Variants in GLUD2 observed in about 807,000 individuals in gnomAD.
GLUD2 encodes glutamate dehydrogenase 2.
GLUD2 carries 11 observed loss-of-function variants against 16.2 expected under a neutral mutation model. The ratio of observed to expected loss-of-function variants is 0.68; its 90% CI spans 0.43 to 1.13. The LOEUF is 1.13. Among genes scored for constraint, GLUD2 ranks in the 50% most tolerant of loss-of-function variants. The probability of loss-of-function intolerance (pLI) is 0.00; values close to 1 mark genes in which losing one functional copy is unlikely to be tolerated. For synonymous variants in GLUD2, 147 were observed against 181.9 expected (o/e 0.81, Z 1.55); for missense variants, 360 against 456.4 (o/e 0.79, Z 1.93).
In GLUD2 at chrX:121,048,889, C is replaced by T; in HGVS notation, c.1205C>T (p.Ala402Val). The T allele has an allele frequency of 8.3e-7, 1 of 1,211,646 alleles. No homozygotes were observed. The highest frequency in any genetic ancestry group is 3.0e-5 in the East Asian group (1 of 33,845). ...CCCAGAGTCAAAGCCAAGATCATTG[C>T]TGAAGGTGCCAATGGGCCAACAACT... ...NAPRVKAKII[A>V]EGANGPTTPE... The change falls in exon 1 of 1, where the codon GCT becomes GTT. Residue 402 changes from alanine (A) to valine (V), a missense_variant. Physicochemically the swap from Ala to Val is moderately conservative, Grantham distance 64. Coordinates refer to ENST00000328078, the MANE Select transcript of GLUD2 (RefSeq NM_012084.4).
chrX:121,048,197 G>C lies in GLUD2; in HGVS notation c.513G>C (p.Lys171Asn). ...CTTTGGCTTCTCTGATGACATACAA[G>C]TGTGCAGTGGTTGATGTGCCGTTTG... ...VKALASLMTY[K>N]CAVVDVPFGG... The change falls in exon 1 of 1, where the codon AAG (lysine) becomes AAC (asparagine). Residue 171 changes from lysine to asparagine, a missense_variant. Lys to Asn is a moderately conservative substitution (Grantham distance 94, BLOSUM62 0). This residue lies in a region of GLUD2 where 279 missense variants were observed against 352.9 expected (regional missense o/e 0.79). Coordinates refer to ENST00000328078, the MANE Select transcript of GLUD2 (RefSeq NM_012084.4). The C allele has an allele frequency of 8.3e-7, 1 of 1,211,971 alleles. No individual in the cohort carries two copies. The highest frequency in any genetic ancestry group is 1.1e-6 in the Non-Finnish European group (1 of 895,578).
At position 121,048,405 on chromosome X, in the gene GLUD2, G is replaced by T. The variant is rs1318056661; in HGVS notation, c.721G>T (p.Ala241Ser). 3.3e-6 allele frequency: 4 copies of T among 1,209,461 alleles called. No homozygotes were observed. In the Admixed American group the frequency reaches 8.7e-5, roughly 26 times the overall value. Residue 241 changes from alanine to serine, a missense_variant, in exon 1 of 1, where the codon GCC becomes TCC. Ala to Ser is a moderately conservative substitution (Grantham distance 99). Transcript: ENST00000328078. ...GATGTCCTGGATTGCTGATACCTAT[G>T]CCAGCACCATAGGGCACTATGATAT... is the stretch of plus-strand genomic sequence containing the variant. ...REMSWIADTY[A>S]STIGHYDINA... is the part of the protein sequence containing the mutation.
At position 121,047,745 on chromosome X, in the gene GLUD2, T is replaced by A; in HGVS notation, c.61T>A (p.Ser21Thr). The change falls in exon 1 of 1, where the codon TCC (serine) becomes ACC (threonine). Residue 21 changes from serine to threonine, a missense_variant. Transcript: ENST00000328078. Reference protein sequence around the residue: ...PSRAGPAALGSAANHSAALLG... With the variant: ...PSRAGPAALGTAANHSAALLG... ...CCGGGCCGGGCCCGCTGCCCTGGGC[T>A]CCGCGGCCAACCACTCGGCCGCGTT... The A allele has an allele frequency of 8.8e-7, 1 of 1,132,670 alleles. No individual in the cohort carries two copies. Among genetic ancestry groups the A allele is most frequent in the Non-Finnish European group, 1.2e-6 (1 of 860,749 alleles). The allele number at this position is 1,132,670 out of a possible 1,213,427, so 93.3% of individuals were successfully genotyped here. A position where few individuals can be genotyped will look rare whatever the true frequency, so the allele number is the denominator to read the frequency against.
Position 121,049,506 on chromosome X carries a change from C to T in GLUD2, c.*145C>T. The T allele has an allele frequency of 3.4e-6, 2 of 586,884 alleles. No individual in the cohort carries two copies. Among genetic ancestry groups the T allele is most frequent in the Non-Finnish European group, 3.0e-6 (1 of 334,111 alleles). The allele number at this position is 586,884 out of a possible 1,213,427, so 48.4% of individuals were successfully genotyped here. A position where few individuals can be genotyped will look rare whatever the true frequency, so the allele number is the denominator to read the frequency against. ...TTCTCAACAAGTCAATCCAAATCAG[C>T]CCGTTAAGGAGAAAGAAATTAATAT... On this transcript the variant is annotated 3_prime_UTR_variant, in exon 1 of 1. Transcript: ENST00000328078.
rs151307722 is a variant in GLUD2 at position 121,048,090 on chromosome X, C to A, written c.406C>A (p.Arg136=). ...CTCCTGGGAGGTCATCGAAGGCTACCGGGCCCAGCACAGCCAGCACCGCAC... is the reference window on the plus strand; with the variant it reads ...CTCCTGGGAGGTCATCGAAGGCTACAGGGCCCAGCACAGCCAGCACCGCAC... The part of the protein sequence containing the change: ...DGSWEVIEGY[R]AQHSQHRTPC... Residue 136 remains arginine (R), a synonymous_variant, in exon 1 of 1, where the codon CGG becomes AGG. Coordinates refer to ENST00000328078, the MANE Select transcript of GLUD2 (RefSeq NM_012084.4). The A allele has an allele frequency of 1.7e-6, 2 of 1,211,696 alleles. No homozygotes were observed. The highest frequency in any genetic ancestry group is 1.1e-6 in the Non-Finnish European group (1 of 895,496).
chrX:121,049,194 G>A lies in GLUD2; in HGVS notation c.1510G>A (p.Asp504Asn). 2 of 1,211,949 alleles carry A rather than the reference G, an allele frequency of 1.7e-6. No homozygotes were observed. The highest frequency in any genetic ancestry group is 2.2e-6 in the Non-Finnish European group (2 of 895,497). The stretch of plus-strand genomic sequence containing the variant: ...CAGTATATCGGGTGCATCTGAGAAA[G>A]ACATTGTGCACTCTGCCTTGGCATA... ...QDSISGASEK[D>N]IVHSALAYTM... Residue 504 changes from aspartate to asparagine, a missense_variant, in exon 1 of 1, where the codon GAC (aspartate) becomes AAC (asparagine). By Grantham distance (23) the Asp-to-Asn change is conservative. Coordinates refer to ENST00000328078, the MANE Select transcript of GLUD2 (RefSeq NM_012084.4).
At position 121,048,445 on chromosome X, in the gene GLUD2, G is replaced by C. The variant is rs1176412877; in HGVS notation, c.761G>C (p.Cys254Ser). The C allele has an allele frequency of 8.3e-7, 1 of 1,209,645 alleles. No individual in the cohort carries two copies. The highest frequency in any genetic ancestry group is 1.1e-6 in the Non-Finnish European group (1 of 895,207). ...CACTATGATATTAATGCACACGCCTGTGTTACTGGTAAACCCATCAGCCAA... is the reference window on the plus strand; with the variant it reads ...CACTATGATATTAATGCACACGCCTCTGTTACTGGTAAACCCATCAGCCAA... Reference protein sequence around the residue: ...IGHYDINAHACVTGKPISQGG... With the variant: ...IGHYDINAHASVTGKPISQGG... The change falls in exon 1 of 1, where the codon TGT (cysteine) becomes TCT (serine). Residue 254 changes from cysteine (C) to serine (S), a missense_variant. Cys to Ser is a moderately radical substitution (Grantham distance 112). Around this residue, in one of 3 missense-constraint regions of GLUD2, gnomAD observed 279 missense variants for 352.9 expected, o/e 0.79. Transcript: ENST00000328078.
chrX:121,047,834 G>A lies in GLUD2; in HGVS notation c.150G>A (p.Arg50=). 9.1e-6 allele frequency: 11 copies of A among 1,209,535 alleles called. No individual in the cohort carries two copies. Among genetic ancestry groups the A allele is most frequent in the Non-Finnish European group, 1.2e-5 (11 of 895,315 alleles). ...AGCCGGGGCTCGCATTGGCCGCCCG[G>A]CGCCACTACAGCGAGTTGGTGGCCG... ...ASQPGLALAA[R]RHYSELVADR... Residue 50 remains arginine, a synonymous_variant, in exon 1 of 1, where the codon CGG becomes CGA. Transcript: ENST00000328078.
At position 121,047,631 on chromosome X, in the gene GLUD2, T is replaced by G; in HGVS notation, c.-54T>G. ...CCTTCCTTCCTAGTCGCGGGGAGTCTGAGAAAGCGCACCTGTTCCGCGACC... is the reference window on the plus strand; with the variant it reads ...CCTTCCTTCCTAGTCGCGGGGAGTCGGAGAAAGCGCACCTGTTCCGCGACC... On this transcript the variant is annotated 5_prime_UTR_variant, in exon 1 of 1. Transcript: ENST00000328078. 5.9e-6 allele frequency: 5 copies of G among 849,428 alleles called. No homozygotes were observed. Among genetic ancestry groups the G allele is most frequent in the Non-Finnish European group, 4.6e-6 (3 of 651,442 alleles). The allele number at this position is 849,428 out of a possible 1,213,427, so 70.0% of individuals were successfully genotyped here.
Position 121,049,746 on chromosome X carries a change from A to C in GLUD2, c.*385A>C. 4.8e-6 allele frequency: 1 copy of C among 207,418 alleles called. No individual in the cohort carries two copies. The highest frequency in any genetic ancestry group is 1.3e-4 in the South Asian group (1 of 7,986). The allele number at this position is 207,418 out of a possible 1,213,427, so 17.1% of individuals were successfully genotyped here. The stretch of plus-strand genomic sequence containing the variant: ...GTCTGGGACACGCTGTAACTTTAAC[A>C]CATTTAAGAAGAAGGTGTGTGGCCT... On this transcript the variant is annotated 3_prime_UTR_variant, in exon 1 of 1. Coordinates refer to ENST00000328078, the MANE Select transcript of GLUD2 (RefSeq NM_012084.4).
Position 121,047,665 on chromosome X carries a change from C to CCCCTCCTCCAAA in GLUD2, c.-11_-10insAAACCCTCCTCC, listed in dbSNP as rs1280085135. 1 of 1,024,461 alleles carries CCCCTCCTCCAAA rather than the reference C, an allele frequency of 9.8e-7. No homozygotes were observed. The highest frequency in any genetic ancestry group is 1.3e-6 in the Non-Finnish European group (1 of 789,744). The allele number at this position is 1,024,461 out of a possible 1,213,427, so 84.4% of individuals were successfully genotyped here. Reference sequence around the variant, plus strand: ...GCACCTGTTCCGCGACCGTCACGCACCCCTCCTCCGCCTGCCGCGATGTAC... The same window carrying CCCCTCCTCCAAA: ...GCACCTGTTCCGCGACCGTCACGCACCCCTCCTCCAAACCCTCCTCCGCCTGCCGCGATGTAC... On this transcript the variant is annotated 5_prime_UTR_variant, in exon 1 of 1. Transcript: ENST00000328078.
rs1268022559 is a variant in GLUD2 at position 121,048,947 on chromosome X, C to T, written c.1263C>T (p.Asn421=). The T allele has an allele frequency of 8.3e-7, 1 of 1,210,138 alleles. No homozygotes were observed. Among genetic ancestry groups the T allele is most frequent in the African/African-American group, 1.7e-5 (1 of 57,204 alleles). Residue 421 remains asparagine, a synonymous_variant, in exon 1 of 1, where the codon AAC becomes AAT. Transcript: ENST00000328078. ...CTGATAAGATCTTCCTGGAGAGAAA[C>T]ATTTTGGTTATTCCAGATCTCTACT... The part of the protein sequence containing the change: ...PEADKIFLER[N]ILVIPDLYLN...
chrX:121,047,656 C>T lies in GLUD2; in HGVS notation c.-29C>T. 1 of 976,677 alleles carries T rather than the reference C, an allele frequency of 1.0e-6. No homozygotes were observed. Among genetic ancestry groups the T allele is most frequent in the Non-Finnish European group, 1.3e-6 (1 of 751,812 alleles). The allele number at this position is 976,677 out of a possible 1,213,427, so 80.5% of individuals were successfully genotyped here. A position where few individuals can be genotyped will look rare whatever the true frequency, so the allele number is the denominator to read the frequency against. ...TGAGAAAGCGCACCTGTTCCGCGAC[C>T]GTCACGCACCCCTCCTCCGCCTGCC... On this transcript the variant is annotated 5_prime_UTR_variant, in exon 1 of 1. Coordinates refer to ENST00000328078, the MANE Select transcript of GLUD2 (RefSeq NM_012084.4).
rs1427380341 is a variant in GLUD2, at chrX:121,047,611, C to T, written c.-74C>T. ...AAGGGCAACCCGCGCCGGACCCTTC[C>T]TTCCTAGTCGCGGGGAGTCTGAGAA... is the stretch of plus-strand genomic sequence containing the variant. On this transcript the variant is annotated 5_prime_UTR_variant, in exon 1 of 1. Coordinates refer to ENST00000328078, the MANE Select transcript of GLUD2 (RefSeq NM_012084.4). 2.8e-6 allele frequency: 2 copies of T among 702,251 alleles called. No individual in the cohort carries two copies. Among genetic ancestry groups the T allele is most frequent in the African/African-American group, 2.3e-5 (1 of 43,735 alleles). 57.9% of individuals were successfully genotyped at this position (702,251 alleles called of 1,213,427 possible).
rs775117648 is a variant in GLUD2 at position 121,048,627 on chromosome X, C to T, written c.943C>T (p.His315Tyr). ...TCAGGGATTTGGTAATGTGGGCCTA[C>T]ACTCTATGAGATATTTACATCGTTT... Reference protein sequence around the residue: ...VVQGFGNVGLHSMRYLHRFGA... With the variant: ...VVQGFGNVGLYSMRYLHRFGA... The change falls in exon 1 of 1, where the codon CAC becomes TAC. Residue 315 changes from histidine to tyrosine, a missense_variant. Around this residue, in one of 3 missense-constraint regions of GLUD2, gnomAD observed 279 missense variants for 352.9 expected, o/e 0.79. Coordinates refer to ENST00000328078, the MANE Select transcript of GLUD2 (RefSeq NM_012084.4). 3.3e-6 allele frequency: 4 copies of T among 1,209,447 alleles called. No homozygotes were observed. Among genetic ancestry groups the T allele is most frequent in the Non-Finnish European group, 4.5e-6 (4 of 894,594 alleles).
rs749503093 is a variant in GLUD2, at chrX:121,048,764, C to A, written c.1080C>A (p.Gly360=). ...AATTGCAACATGGGTCCATTCTGGG[C>A]TTCCCCAAGGCAAAGCCCTATGAAG... ...DFKLQHGSIL[G]FPKAKPYEGS... Residue 360 remains glycine (G), a synonymous_variant, in exon 1 of 1, where the codon GGC becomes GGA. Coordinates refer to ENST00000328078, the MANE Select transcript of GLUD2 (RefSeq NM_012084.4). 2 of 1,211,365 alleles carry A rather than the reference C, an allele frequency of 1.7e-6. No homozygotes were observed. Among genetic ancestry groups the A allele is most frequent in the East Asian group, 5.9e-5 (2 of 33,840 alleles).
chrX:121,049,614 A>C lies in GLUD2; in HGVS notation c.*253A>C. On this transcript the variant is annotated 3_prime_UTR_variant, in exon 1 of 1. Transcript: ENST00000328078. ...CCTTTAAATAAAAAGCCTCCTCCAT[A>C]TGGCTGTGCAGCCTTGCTCTGTGGC... 4.9e-6 allele frequency: 2 copies of C among 410,574 alleles called. No homozygotes were observed. The allele number at this position is 410,574 out of a possible 1,213,427, so 33.8% of individuals were successfully genotyped here.
chrX:121,049,678 C>T lies in GLUD2; in HGVS notation c.*317C>T. ...ATCAGTGCTAGTGCTGGGGAAGGGA[C>T]AGTCAAGAGCAGTCAGTTGCTTACT... is the stretch of plus-strand genomic sequence containing the variant. On this transcript the variant is annotated 3_prime_UTR_variant, in exon 1 of 1. Transcript: ENST00000328078. The T allele has an allele frequency of 3.1e-6, 1 of 322,805 alleles. No individual in the cohort carries two copies. The highest frequency in any genetic ancestry group is 5.0e-5 in the Admixed American group (1 of 20,099). The allele number at this position is 322,805 out of a possible 1,213,427, so 26.6% of individuals were successfully genotyped here. A position where few individuals can be genotyped will look rare whatever the true frequency, so the allele number is the denominator to read the frequency against.
chrX:121,048,128 A>G lies in GLUD2; in HGVS notation c.444A>G (p.Gly148=). The G allele has an allele frequency of 8.3e-7, 1 of 1,211,862 alleles. No homozygotes were observed. The highest frequency in any genetic ancestry group is 1.1e-6 in the Non-Finnish European group (1 of 895,554). Residue 148 remains glycine (G), a synonymous_variant, in exon 1 of 1, where the codon GGA becomes GGG. Transcript: ENST00000328078. ...GCCAGCACCGCACGCCCTGCAAGGG[A>G]GGTATCCGTTACAGCACTGATGTGA... ...QHSQHRTPCK[G]GIRYSTDVSV... is the part of the protein sequence containing the mutation.
Sources: allele counts gnomAD v4.1 joint callset, GRCh38; gene constraint gnomAD v4.1.1; regional missense constraint gnomAD v4.1.1; transcripts MANE v1.5; gene names NCBI Gene and HGNC (gene_info 2026-07-23, HGNC 2026-07-21).